Variants in TLE4 observed in about 807,000 individuals in gnomAD.
TLE4 encodes TLE family member 4, transcriptional corepressor, also known as transducin-like enhancer protein 4.
TLE4 carries 8 observed loss-of-function variants against 92.8 expected under a neutral mutation model. The observed-to-expected ratio is 0.09, with a 90% confidence interval of 0.05 to 0.16. The LOEUF (loss-of-function observed/expected upper bound fraction) is 0.16. Ranked by LOEUF, TLE4 falls within the 10% of genes least tolerant of loss-of-function variation. TLE4 has a pLI of 1.00. For synonymous variants in TLE4, 371 were observed against 374.1 expected, an observed-to-expected ratio of 0.99 and a Z score of 0.10; for missense variants, 675 against 997.6, an observed-to-expected ratio of 0.68 and a Z score of 4.36.
At chr9:79,588,257 C>T (rs1183817125) in intron 4 of TLE4, among the ~76,000 whole-genome samples, 2 of 151,894 alleles carry the variant, frequency 1.3e-5, no homozygotes, top group African/African-American at 4.8e-5. Context: ...AAGTGATTCT[C>T]CTGCCTGAGC....
chr9:79,715,458 C>T (rs1173727457), intron 14 of TLE4, among the ~76,000 whole-genome samples: 1 of 152,080 alleles, frequency 6.6e-6, no homozygotes, highest in African/African-American at 2.4e-5. Context: ...ATCATCCCTT[C>T]ACTTGCAGCC....
intron 6 of TLE4, among the ~76,000 whole-genome samples, chr9:79,629,255 G>T (rs1471772227): frequency 6.6e-6 from 1 of 151,934 alleles, no homozygotes; most frequent in Non-Finnish European, 1.5e-5. Context: ...ACAGTGGAGA[G>T]ATTAAGCTAA....
chr9:79,572,643 A>T lies in TLE4; in HGVS notation c.-148A>T. On this transcript the variant is annotated 5_prime_UTR_variant, in exon 1 of 20. Transcript: ENST00000376552. ...GCCGCGCGTTCCTGCCGCCCGTGTC[A>T]CGCGAGACCCGGCGGGGGCCGGGAC... 2.1e-6 allele frequency: 1 copy of T among 470,104 alleles called. No individual in the cohort carries two copies. The highest frequency in any genetic ancestry group is 3.4e-6 in the Non-Finnish European group (1 of 293,246). 29.1% of individuals were successfully genotyped at this position (470,104 alleles called of 1,614,324 possible).
At chr9:79,721,705 T>C (rs1358509630) in intron 16 of TLE4, 36 bp from the exon 17 acceptor site, 1 of 1,613,388 alleles carries the variant, frequency 6.2e-7, no homozygotes, top group East Asian at 2.2e-5. Context: ...AAAAGCTAAC[T>C]TTTCAAGGGC....
chr9:79,663,191 A>G (rs944168958), intron 8 of TLE4, among the ~76,000 whole-genome samples: 7 of 152,162 alleles, frequency 4.6e-5, no homozygotes, highest in Non-Finnish European at 7.3e-5. Flanking sequence ...GTGTACATTT[A>G]CTTGAAGTTA....
chr9:79,723,659 A>G (rs2075993691), intron 19 of TLE4, among the ~76,000 whole-genome samples: 1 of 152,182 alleles, frequency 6.6e-6, no homozygotes, highest in Non-Finnish European at 1.5e-5. Flanking sequence ...TTAACCTTCT[A>G]TATTTAGGAT....
chr9:79,694,953 C>A (rs1472350383), intron 8 of TLE4, among the ~76,000 whole-genome samples: 5 of 152,152 alleles, frequency 3.3e-5, no homozygotes, highest in African/African-American at 1.2e-4. Flanking sequence ...TCCTTTAAAT[C>A]CTGTCTTTTC....
chr9:79,679,049 C>A (rs1368211484), intron 8 of TLE4, among the ~76,000 whole-genome samples: 1 of 151,852 alleles, frequency 6.6e-6, no homozygotes, highest in Admixed American at 6.6e-5. Flanking sequence ...GGTTCCAAGT[C>A]TTTGCTATTG....
chr9:79,695,829 A>G (rs2068119029), intron 8 of TLE4, among the ~76,000 whole-genome samples: 1 of 152,220 alleles, frequency 6.6e-6, no homozygotes, highest in Non-Finnish European at 1.5e-5. Context: ...TGGGAAAGAG[A>G]GTTCTTGGCA....
intron 8 of TLE4, 21 bp downstream of exon 8, chr9:79,654,096 A>T: frequency 6.2e-7 from 1 of 1,611,048 alleles, no homozygotes; most frequent in Middle Eastern, 1.7e-4. Context: ...AAATTTACAG[A>T]CTAAGGAATG....
Position 79,666,185 on chromosome 9 carries a change from G to GTGTA in TLE4, c.609+12113_609+12114insATGT, listed in dbSNP as rs1175024845. Among the ~76,000 whole-genome samples the GTGTA allele has an allele frequency of 1.2e-3, 172 of 147,964 alleles. 1 individual carries two copies. The highest frequency in any genetic ancestry group is 3.1e-3 in the African/African-American group (126 of 40,122). ...CATCTGTGTGTGTGTGTGTGTGTGT[G>GTGTA]TGTGTGTGTGTGGGTGGGGTTTTTT... On this transcript the variant is annotated intron_variant, in intron 8 of 19. Coordinates refer to ENST00000376552, the MANE Select transcript of TLE4 (RefSeq NM_007005.6).
intron 4 of TLE4, among the ~76,000 whole-genome samples, chr9:79,581,598 G>A (rs1564120672): frequency 1.3e-5 from 2 of 152,272 alleles, no homozygotes; most frequent in South Asian, 2.1e-4. Flanking sequence ...AATTCTTATC[G>A]TTAGTTCTCA....
chr9:79,704,726 C>A, intron 8 of TLE4, 57 bp from the exon 9 acceptor site: 1 of 1,567,822 alleles, frequency 6.4e-7, no homozygotes, highest in Non-Finnish European at 8.6e-7. Flanking sequence ...ACTTAAAAAT[C>A]ACTCGGCTAA....
At chr9:79,598,657 A>G (rs575272317) in intron 4 of TLE4, among the ~76,000 whole-genome samples, 5 of 152,292 alleles carry the variant, frequency 3.3e-5, no homozygotes, top group African/African-American at 1.2e-4. Context: ...ATAATGCAGT[A>G]TATGGCAGAG....
chr9:79,706,430 G>A (rs929668494), intron 10 of TLE4, among the ~76,000 whole-genome samples: 4 of 150,536 alleles, frequency 2.7e-5, no homozygotes, highest in Non-Finnish European at 3.0e-5. Flanking sequence ...TTAAGAATAA[G>A]GTGTCATTCT....
chr9:79,634,497 T>C (rs1393642748), intron 6 of TLE4, among the ~76,000 whole-genome samples: 1 of 152,170 alleles, frequency 6.6e-6, no homozygotes, highest in Non-Finnish European at 1.5e-5. Context: ...ACATCAGATT[T>C]AATGAGACGT....
chr9:79,585,200 A>G (rs2040750624), intron 4 of TLE4, among the ~76,000 whole-genome samples: 1 of 152,208 alleles, frequency 6.6e-6, no homozygotes, highest in Admixed American at 6.5e-5. Context: ...TAGATTGCTT[A>G]TAGTGTCGAT....
intron 5 of TLE4, among the ~76,000 whole-genome samples, chr9:79,624,611 T>C (rs957264042): frequency 5.2e-4 from 79 of 152,376 alleles, no homozygotes; most frequent in African/African-American, 1.5e-3. Flanking sequence ...GGAGTTTCTT[T>C]AGGCTGTCAG....
chr9:79,572,085 A>G lies in TLE4; in HGVS notation c.-706A>G, dbSNP rs1305461893. ...GTTCGCAGAGTTTGAAAGGAGAGAG[A>G]ATTAAAAAAAAAAGCCGCAAGCGTT... On this transcript the variant is annotated 5_prime_UTR_variant, in exon 1 of 20. Transcript: ENST00000376552. 2 of 152,018 alleles carry G rather than the reference A, an allele frequency of 1.3e-5. No individual in the cohort carries two copies. The highest frequency in any genetic ancestry group is 2.4e-5 in the African/African-American group (1 of 41,354). The allele number at this position is 152,018 out of a possible 1,614,324, so 9.4% of individuals were successfully genotyped here. A position where few individuals can be genotyped will look rare whatever the true frequency, so the allele number is the denominator to read the frequency against.
Sources: gnomAD v4.1 joint callset for allele counts (sites outside exome capture counted in the v4.1 genomes callset) on GRCh38, gnomAD v4.1.1 for gene constraint, MANE v1.5 for transcripts, NCBI Gene and HGNC (gene_info 2026-07-23, HGNC 2026-07-21) for gene names.